The following DYNC2H1 variants were observed in gnomAD, a reference collection of about 807,000 sequenced individuals.
The protein encoded by DYNC2H1 is cytoplasmic dynein 2 heavy chain 1.
In DYNC2H1, 410 loss-of-function variants were observed where a neutral mutation model predicts 570.0. That is an observed-to-expected ratio of 0.72 (90% CI 0.66 to 0.78). The LOEUF (loss-of-function observed/expected upper bound fraction) is 0.78, where lower values mean the gene tolerates loss of function less well. Ranked by LOEUF, DYNC2H1 falls within the 30% of genes least tolerant of loss-of-function variation. The pLI is 0.00. For synonymous variants in DYNC2H1, 1,688 were observed against 1,677.6 expected (o/e 1.01, Z -0.15); for missense variants, 4,865 against 5,046.4 (o/e 0.96, Z 1.09).
In DYNC2H1 at chr11:103,223,264, TAGA is replaced by T. The variant is rs144324451; in HGVS notation, c.9353+181_9353+183del. On this transcript the variant is annotated intron_variant, in intron 59 of 88. Transcript: ENST00000375735. Reference sequence around the variant, plus strand: ...AAACAGATCAAAAAAAGAAAGCAATTAGAAGGAGAGAGAAGAACCAACTCACTT... The same window carrying T: ...AAACAGATCAAAAAAAGAAAGCAATTAGGAGAGAGAAGAACCAACTCACTT... 0.088 allele frequency among the ~76,000 whole-genome samples: 13,449 copies of T among 152,140 alleles called. 775 individuals are homozygous for T. The highest frequency in any genetic ancestry group is 0.12 in the Non-Finnish European group (8,140 of 67,978).
Position 103,479,136 on chromosome 11 carries a change from G to A in DYNC2H1, c.12807G>A (p.Leu4269=). 1 of 1,613,834 alleles carries A rather than the reference G, an allele frequency of 6.2e-7. No homozygotes were observed. The highest frequency in any genetic ancestry group is 8.5e-7 in the Non-Finnish European group (1 of 1,179,844). The change falls in exon 89 of 89, where the codon TTG becomes TTA. Residue 4269 remains leucine (L), a synonymous_variant. Coordinates refer to ENST00000375735, the MANE Select transcript of DYNC2H1 (RefSeq NM_001377.3). ...GPYSPDECIS[L]PVYTSAERDR... ...ATTCTCCGGATGAGTGCATCTCTTT[G>A]CCTGTTTACACAAGTGCTGAAAGGG...
At chr11:103,126,874 G>C (rs2134741490) in intron 12 of DYNC2H1, among the ~76,000 whole-genome samples, 1 of 152,240 alleles carries the variant, frequency 6.6e-6, no homozygotes, top group African/African-American at 2.4e-5. Context: ...TCCTGACCTT[G>C]TGATCCGCCT....
chr11:103,441,858 A>AT (rs1944282838), intron 85 of DYNC2H1, among the ~76,000 whole-genome samples: 1 of 149,122 alleles, frequency 6.7e-6, no homozygotes, highest in South Asian at 2.1e-4. Context: ...GTTTTCACTC[A>AT]TTTTTTGAGG....
chr11:103,264,980 A>T lies in DYNC2H1; in HGVS notation c.10695+5003A>T. Reference sequence around the variant, plus strand: ...TATATTTAGAAAACCCCATCGTCTCAGCCCAAAAGCTCCTTAAGCTAATAA... The same window carrying T: ...TATATTTAGAAAACCCCATCGTCTCTGCCCAAAAGCTCCTTAAGCTAATAA... On this transcript the variant is annotated intron_variant, in intron 70 of 88. Transcript: ENST00000375735. This position sits in a 1 kb window ranked among gnomAD's most constrained non-coding sequence, Gnocchi z 4.8. 6.6e-6 allele frequency among the ~76,000 whole-genome samples: 1 copy of T among 152,214 alleles called. No individual in the cohort carries two copies. Among genetic ancestry groups the T allele is most frequent in the Non-Finnish European group, 1.5e-5 (1 of 68,036 alleles).
chr11:103,471,290 C>T (rs942723352), intron 88 of DYNC2H1, among the ~76,000 whole-genome samples: 1 of 152,216 alleles, frequency 6.6e-6, no homozygotes, highest in African/African-American at 2.4e-5. Flanking sequence ...TGAGCCTCCT[C>T]CTTGTCCTGT....
At chr11:103,306,597 G>A (rs776941400) in intron 77 of DYNC2H1, among the ~76,000 whole-genome samples, 1 of 152,060 alleles carries the variant, frequency 6.6e-6, no homozygotes, top group Non-Finnish European at 1.5e-5. Flanking sequence ...GTTATGAGGT[G>A]TAAATACATT....
In DYNC2H1 at chr11:103,198,039, T is replaced by C; in HGVS notation, c.7815T>C (p.Thr2605=). Residue 2605 remains threonine (T), a synonymous_variant, in exon 48 of 89, where the codon ACT becomes ACC. Transcript: ENST00000375735. ...AACCACTTGGAAAACTAAACTCTAC[T>C]GATCTCAAGGATGTTATTAAAAAGG... The part of the protein sequence containing the change: ...HGKPLGKLNS[T]DLKDVIKKGL... The C allele has an allele frequency of 6.4e-7, 1 of 1,552,564 alleles. No individual in the cohort carries two copies. Among genetic ancestry groups the C allele is most frequent in the Non-Finnish European group, 8.7e-7 (1 of 1,147,232 alleles).
chr11:103,361,844 T>G (rs953253450), intron 83 of DYNC2H1, among the ~76,000 whole-genome samples: 11 of 152,182 alleles, frequency 7.2e-5, no homozygotes, highest in Admixed American at 1.3e-4. Context: ...TGAGGAATCT[T>G]TAGTTAGGAA....
chr11:103,210,593 A>G (rs1156927606), intron 53 of DYNC2H1, among the ~76,000 whole-genome samples: 2 of 152,048 alleles, frequency 1.3e-5, no homozygotes, highest in Admixed American at 1.3e-4. Context: ...TGATATAGCA[A>G]GATAAGTGAT....
At position 103,446,871 on chromosome 11, in the gene DYNC2H1, AATTATT is replaced by A. The variant is rs775704846; in HGVS notation, c.12457-8310_12457-8305del. ...ATTCACAAAATAAGTTATAGTTATA[AATTATT>A]ATTAATAATTAAGAGGAGACCTATA... On this transcript the variant is annotated intron_variant, in intron 85 of 88. Transcript: ENST00000375735. The surrounding 1 kb of genome is among the most constrained non-coding windows in gnomAD (Gnocchi z 4.5). Among the ~76,000 whole-genome samples, 1 of 152,122 alleles carries A rather than the reference AATTATT, an allele frequency of 6.6e-6. No individual in the cohort carries two copies. The highest frequency in any genetic ancestry group is 1.5e-5 in the Non-Finnish European group (1 of 68,018).
In DYNC2H1 at chr11:103,165,974, T is replaced by C; in HGVS notation, c.4688T>C (p.Ile1563Thr). Residue 1563 changes from isoleucine (I) to threonine (T), a missense_variant, in exon 31 of 89, where the codon ATT becomes ACT. This residue lies in a region of DYNC2H1 where 1,936 missense variants were observed against 1,962.1 expected (regional missense o/e 0.99). Coordinates refer to ENST00000375735, the MANE Select transcript of DYNC2H1 (RefSeq NM_001377.3). ...NAIKDHSLHQ[I>T]ETQLVNKLEQ... The stretch of plus-strand genomic sequence containing the variant: ...ATTAAAGATCATAGTCTTCATCAGA[T>C]TGAAACACAACTGGTGAATAAGTTA... 1 of 1,528,714 alleles carries C rather than the reference T, an allele frequency of 6.5e-7. No individual in the cohort carries two copies. Among genetic ancestry groups the C allele is most frequent in the Non-Finnish European group, 8.8e-7 (1 of 1,136,884 alleles). The allele number at this position is 1,528,714 out of a possible 1,614,324, so 94.7% of individuals were successfully genotyped here.
At chr11:103,174,511 C>T (rs1221220454) in intron 36 of DYNC2H1, among the ~76,000 whole-genome samples, 1 of 152,070 alleles carries the variant, frequency 6.6e-6, no homozygotes, top group African/African-American at 2.4e-5. Flanking sequence ...ATTGGAATCA[C>T]CCAGTGGCTT....
chr11:103,182,423 T>G (rs1249432785), intron 40 of DYNC2H1, among the ~76,000 whole-genome samples: 1 of 151,654 alleles, frequency 6.6e-6, no homozygotes, highest in Non-Finnish European at 1.5e-5. Context: ...GTGTTTATAT[T>G]TAACAAAAAC....
In DYNC2H1 at chr11:103,244,667, G is replaced by C. The variant is rs1864540130; in HGVS notation, c.9919-584G>C. ...CTCTATATAGTTATATACATTATAA[G>C]TACTATATATCTATGGTTATAGTTA... is the stretch of plus-strand genomic sequence containing the variant. On this transcript the variant is annotated intron_variant, in intron 64 of 88. Transcript: ENST00000375735. The surrounding 1 kb of genome is among the most constrained non-coding windows in gnomAD (Gnocchi z 4.3). Among the ~76,000 whole-genome samples, 1 of 147,246 alleles carries C rather than the reference G, an allele frequency of 6.8e-6. No individual in the cohort carries two copies. The highest frequency in any genetic ancestry group is 6.8e-5 in the Admixed American group (1 of 14,658).
chr11:103,168,644 A>G, intron 31 of DYNC2H1, 111 bp from the exon 32 acceptor site: 2 of 1,192,436 alleles, frequency 1.7e-6, no homozygotes, highest in Non-Finnish European at 2.4e-6. Context: ...CATATGTGTC[A>G]TGAAATTACC....
At chr11:103,251,980 G>A (rs1437267626) in intron 65 of DYNC2H1, among the ~76,000 whole-genome samples, 2 of 145,292 alleles carry the variant, frequency 1.4e-5, no homozygotes, top group Non-Finnish European at 3.0e-5. Flanking sequence ...CTTGAGTACA[G>A]TGGTGTGATC....
rs1015156953 is a variant in DYNC2H1, at chr11:103,185,381, G to A, written c.6633+330G>A. On this transcript the variant is annotated intron_variant, in intron 41 of 88. Transcript: ENST00000375735. The surrounding 1 kb of genome is among the most constrained non-coding windows in gnomAD (Gnocchi z 4.5). The stretch of plus-strand genomic sequence containing the variant: ...CATTTAAAAATCTTAGAATAGTTTA[G>A]TTTTTATCATCCTTTTAACTAGAGC... Among the ~76,000 whole-genome samples, 3 of 151,624 alleles carry A rather than the reference G, an allele frequency of 2.0e-5. No individual in the cohort carries two copies. The South Asian group carries it at 6.2e-4, about 31-fold the overall frequency.
chr11:103,133,074 C>A lies in DYNC2H1; in HGVS notation c.1954-481C>A, dbSNP rs1378539284. Among the ~76,000 whole-genome samples, 1 of 152,080 alleles carries A rather than the reference C, an allele frequency of 6.6e-6. No homozygotes were observed. The highest frequency in any genetic ancestry group is 6.6e-5 in the Admixed American group (1 of 15,262). ...TGAAACATTAGAAAGGGGTGATTTT[C>A]TCCTTGGTGTTAAGCTACAATAGGA... On this transcript the variant is annotated intron_variant, in intron 13 of 88. Transcript: ENST00000375735. The surrounding 1 kb of genome is among the most constrained non-coding windows in gnomAD (Gnocchi z 4.8).
chr11:103,288,516 C>T (rs1866440551), intron 75 of DYNC2H1, among the ~76,000 whole-genome samples: 1 of 150,824 alleles, frequency 6.6e-6, no homozygotes, highest in Non-Finnish European at 1.5e-5. Context: ...ATAAGTCTGC[C>T]TTTGTAGGAC....
Sources: allele counts gnomAD v4.1 joint callset (sites outside exome capture counted in the v4.1 genomes callset), GRCh38; gene constraint gnomAD v4.1.1; regional missense constraint gnomAD v4.1.1; non-coding constraint Gnocchi (gnomAD v3.1); transcripts MANE v1.5; gene names NCBI Gene and HGNC (gene_info 2026-07-23, HGNC 2026-07-21).